ABCB11: variants seen among roughly 807,000 people sequenced by gnomAD.
The protein encoded by ABCB11 is ATP binding cassette subfamily B member 11.
In ABCB11, 95 loss-of-function variants were observed where a neutral mutation model predicts 148.0. That is an observed-to-expected ratio of 0.64 (90% CI 0.54 to 0.76). The LOEUF is 0.76. Among genes scored for constraint, ABCB11 ranks in the 30% least tolerant of loss-of-function variants. The pLI is 0.00. For synonymous variants in ABCB11, 591 were observed against 555.4 expected, an observed-to-expected ratio of 1.06 and a Z score of -0.90; for missense variants, 1,523 against 1,617.8, an observed-to-expected ratio of 0.94 and a Z score of 1.01.
Position 168,932,414 on chromosome 2 carries a change from G to T in ABCB11, c.3176C>A (p.Pro1059His), listed in dbSNP as rs1180815711. 6.3e-7 allele frequency: 1 copy of T among 1,583,450 alleles called. No individual in the cohort carries two copies. Among genetic ancestry groups the T allele is most frequent in the African/African-American group, 1.3e-5 (1 of 74,326 alleles). ...TGCAGTATTGTATACACTGATTGGG[G>T]GTTGTCGGTCCAGCAGTTGAAAAAA... ...ARFFQLLDRQ[P>H]PISVYNTAGE... Residue 1059 changes from proline to histidine, a missense_variant, in exon 24 of 28, where the codon CCC becomes CAC. Coordinates refer to ENST00000650372, the MANE Select transcript of ABCB11 (RefSeq NM_003742.4).
chr2:168,971,646 T>G (rs1693581843), intron 14 of ABCB11, among the ~76,000 whole-genome samples: 1 of 152,038 alleles, frequency 6.6e-6, no homozygotes, highest in Non-Finnish European at 1.5e-5. Context: ...AAAACCTCCT[T>G]TTTTGATAGA....
chr2:168,943,530 T>C (rs986171373), intron 21 of ABCB11, among the ~76,000 whole-genome samples: 3 of 151,980 alleles, frequency 2.0e-5, no homozygotes, highest in African/African-American at 7.2e-5. Flanking sequence ...GAATACATAA[T>C]TATGAAAATA....
chr2:169,000,458 GA>G (rs1289146129), intron 5 of ABCB11, among the ~76,000 whole-genome samples: 1 of 152,076 alleles, frequency 6.6e-6, no homozygotes, highest in African/African-American at 2.4e-5. Flanking sequence ...ATTCATTTAA[GA>G]AAATTTTTGT....
chr2:168,991,016 G>A (rs1418374518), intron 8 of ABCB11, 91 bp from the exon 9 acceptor site: 6 of 1,408,362 alleles, frequency 4.3e-6, no homozygotes, highest in South Asian at 1.3e-5. Context: ...TGTGGCATGG[G>A]TTTAATACAA....
At position 168,922,778 on chromosome 2, in the gene ABCB11, T is replaced by C. The variant is rs1449340012; in HGVS notation, c.*844A>G. On this transcript the variant is annotated 3_prime_UTR_variant, in exon 28 of 28. Coordinates refer to ENST00000650372, the MANE Select transcript of ABCB11 (RefSeq NM_003742.4). Reference sequence around the variant, plus strand: ...TTTACTTGCTTTTTTGTATAAAACCTTATGAAACTACAGCAAAGTAAAATG... The same window carrying C: ...TTTACTTGCTTTTTTGTATAAAACCCTATGAAACTACAGCAAAGTAAAATG... 6.6e-6 allele frequency among the ~76,000 whole-genome samples: 1 copy of C among 152,222 alleles called. No individual in the cohort carries two copies. Among genetic ancestry groups the C allele is most frequent in the African/African-American group, 2.4e-5 (1 of 41,456 alleles).
chr2:169,001,224 C>T (rs1290032342), intron 5 of ABCB11, among the ~76,000 whole-genome samples: 1 of 152,130 alleles, frequency 6.6e-6, no homozygotes, highest in Non-Finnish European at 1.5e-5. Context: ...AAACATAATT[C>T]AGAAAGCTTA....
chr2:168,979,813 C>G, intron 11 of ABCB11, 53 bp downstream of exon 11: 1 of 1,058,736 alleles, frequency 9.4e-7, no homozygotes, highest in South Asian at 1.5e-5. Context: ...CATTCTGTGC[C>G]CCACCCCCCA....
intron 11 of ABCB11, among the ~76,000 whole-genome samples, chr2:168,978,413 GGT>G (rs1694009324): frequency 6.6e-6 from 1 of 151,876 alleles, no homozygotes; most frequent in Non-Finnish European, 1.5e-5. Flanking sequence ...TGGGATTACA[GGT>G]GTGAGCCACC....
intron 10 of ABCB11, among the ~76,000 whole-genome samples, chr2:168,983,423 T>A (rs965054120): frequency 6.6e-6 from 1 of 152,170 alleles, no homozygotes; most frequent in Admixed American, 6.6e-5. Context: ...CTGTAAAAAC[T>A]GTATCTAAGT....
At position 168,993,215 on chromosome 2, in the gene ABCB11, C is replaced by T. The variant is rs1283633715; in HGVS notation, c.783+496G>A. ...TTGTGTGCTTGTTAATGCTCTTTGTCTGTTGTGCCTTTTCAGGGAAGTGCC... is the reference window on the plus strand; with the variant it reads ...TTGTGTGCTTGTTAATGCTCTTTGTTTGTTGTGCCTTTTCAGGGAAGTGCC... On this transcript the variant is annotated intron_variant, in intron 8 of 27. Coordinates refer to ENST00000650372, the MANE Select transcript of ABCB11 (RefSeq NM_003742.4). 6.6e-5 allele frequency among the ~76,000 whole-genome samples: 10 copies of T among 151,972 alleles called. No individual in the cohort carries two copies. In the South Asian group the frequency reaches 8.3e-4, roughly 13 times the overall value.
Position 168,936,253 on chromosome 2 carries a change from G to A in ABCB11, c.2791C>T (p.Gln931Ter). ...ACCTGTCCCACCATCTCCAGGGCCT[G>A]CTTATCTCGAGAGGCAAATCCTGTC... ...MLTGFASRDK[Q>*]ALEMVGQITN... Residue 931 changes from glutamine to a stop codon, truncating the protein, a stop_gained, in exon 22 of 28, where the codon CAG (glutamine) becomes TAG (stop). Coordinates refer to ENST00000650372, the MANE Select transcript of ABCB11 (RefSeq NM_003742.4). LOFTEE classifies it high-confidence loss of function. The A allele has an allele frequency of 3.1e-6, 5 of 1,613,832 alleles. No homozygotes were observed. Among genetic ancestry groups the A allele is most frequent in the Non-Finnish European group, 4.2e-6 (5 of 1,179,790 alleles).
chr2:168,921,958 C>T lies in ABCB11; in HGVS notation c.*1664G>A, dbSNP rs572499550. 8.6e-5 allele frequency among the ~76,000 whole-genome samples: 13 copies of T among 151,376 alleles called. No homozygotes were observed. Among genetic ancestry groups the T allele is most frequent in the Non-Finnish European group, 1.5e-4 (10 of 67,896 alleles). ...CCACCTCCCGGGTTCACGCCATTCT[C>T]CTGCCTCAGCCTCCTGAGTAGCTGG... On this transcript the variant is annotated 3_prime_UTR_variant, in exon 28 of 28. Coordinates refer to ENST00000650372, the MANE Select transcript of ABCB11 (RefSeq NM_003742.4).
intron 14 of ABCB11, 57 bp from the exon 15 acceptor site, chr2:168,970,272 T>C (rs1295309641): frequency 1.3e-6 from 2 of 1,571,094 alleles, no homozygotes; most frequent in Non-Finnish European, 8.6e-7. Context: ...CTTCTGACAG[T>C]GATCCACTAT....
downstream of ABCB11, among the ~76,000 whole-genome samples, chr2:168,918,269 C>G (rs1690981486): frequency 6.6e-6 from 1 of 152,168 alleles, no homozygotes; most frequent in Non-Finnish European, 1.5e-5. Context: ...CCGAGTAAAG[C>G]ACTGGGGACA....
intron 14 of ABCB11, 128 bp from the exon 15 acceptor site, chr2:168,970,343 T>C: frequency 6.5e-7 from 1 of 1,539,382 alleles, no homozygotes; most frequent in Non-Finnish European, 8.7e-7. Context: ...CGACTTCCAC[T>C]GAAAGAAATA....
At position 168,933,121 on chromosome 2, in the gene ABCB11, A is replaced by AT. The variant is rs1242103731; in HGVS notation, c.3057-589_3057-588insA. 2.6e-5 allele frequency among the ~76,000 whole-genome samples: 4 copies of AT among 151,844 alleles called. No homozygotes were observed. The East Asian group carries it at 5.8e-4, about 22-fold the overall frequency. ...AAGACTCCGTCTCAAAAAAAAAAAA[A>AT]AAGAAAAGAAAATTGTTTGAGGGGG... On this transcript the variant is annotated intron_variant, in intron 23 of 27. Transcript: ENST00000650372.
chr2:168,952,558 A>G (rs1018045653), intron 19 of ABCB11, among the ~76,000 whole-genome samples: 1 of 151,004 alleles, frequency 6.6e-6, no homozygotes, highest in Non-Finnish European at 1.5e-5. Context: ...GGTATCTGTT[A>G]TAATATCTTC....
At chr2:168,939,581 T>A (rs1198892556) in intron 21 of ABCB11, among the ~76,000 whole-genome samples, 1 of 152,128 alleles carries the variant, frequency 6.6e-6, no homozygotes, top group Admixed American at 6.6e-5. Flanking sequence ...TTTGTAGTTT[T>A]GAGTTTTTGT....
chr2:169,021,425 A>T (rs184070449), intron 1 of ABCB11, among the ~76,000 whole-genome samples: 273 of 152,312 alleles, frequency 1.8e-3, no homozygotes, highest in Non-Finnish European at 3.2e-3. Context: ...AATGGATATA[A>T]TAAAGGACAT....
Sources: allele counts gnomAD v4.1 joint callset (sites outside exome capture counted in the v4.1 genomes callset), GRCh38; gene constraint gnomAD v4.1.1; transcripts MANE v1.5; gene names NCBI Gene and HGNC (gene_info 2026-07-23, HGNC 2026-07-21).